The following ZNF892 variants were observed in gnomAD, a reference collection of about 807,000 sequenced individuals.
The protein encoded by ZNF892 is zinc finger protein 570-like.
the ZNF892 span, among the ~76,000 whole-genome samples, chr2:95,209,670 C>T: frequency 1.3e-5 from 2 of 152,110 alleles, no homozygotes; most frequent in Non-Finnish European, 2.9e-5. Flanking sequence ...ATTGGTAGAT[C>T]GCTTTCAGAA....
chr2:95,256,955 A>G, the ZNF892 span, among the ~76,000 whole-genome samples: 1 of 152,040 alleles, frequency 6.6e-6, no homozygotes, highest in Admixed American at 6.5e-5. Context: ...TGCATTGGTT[A>G]TTCTAGTTAG....
chr2:95,230,588 C>T, the ZNF892 span, among the ~76,000 whole-genome samples: 1 of 152,180 alleles, frequency 6.6e-6, no homozygotes, highest in African/African-American at 2.4e-5. Context: ...CATTGTCTCC[C>T]AGCACTCAGC....
the ZNF892 span, among the ~76,000 whole-genome samples, chr2:95,234,440 G>T: frequency 5.3e-5 from 8 of 152,234 alleles, no homozygotes; most frequent in Non-Finnish European, 8.8e-5. Context: ...CACCCTGGAA[G>T]AAGGAGTGCC....
At chr2:95,255,290 G>A in the ZNF892 span, among the ~76,000 whole-genome samples, 10 of 152,096 alleles carry the variant, frequency 6.6e-5, no homozygotes, top group African/African-American at 4.8e-5. Context: ...CTTTGTTCTC[G>A]TTGGTTTCAA....
chr2:95,207,331 C>G, the ZNF892 span, among the ~76,000 whole-genome samples: 185 of 152,340 alleles, frequency 1.2e-3, no homozygotes, highest in Non-Finnish European at 2.2e-3. Context: ...GAGTCGGCAC[C>G]GAGGGAGGAG....
the ZNF892 span, among the ~76,000 whole-genome samples, chr2:95,247,876 T>C: frequency 1.3e-5 from 2 of 152,212 alleles, no homozygotes; most frequent in African/African-American, 2.4e-5. Flanking sequence ...GGAATGCTTA[T>C]ACACTGCTGG....
chr2:95,256,972 G>A, the ZNF892 span, among the ~76,000 whole-genome samples: 7 of 152,202 alleles, frequency 4.6e-5, no homozygotes, highest in African/African-American at 1.2e-4. Context: ...TTAGCCATTC[G>A]TCTAATCTTT....
chr2:95,231,068 C>A, the ZNF892 span, among the ~76,000 whole-genome samples: 1 of 152,210 alleles, frequency 6.6e-6, no homozygotes, highest in African/African-American at 2.4e-5. Flanking sequence ...ATTGACCCAG[C>A]AATCTGACTC....
At chr2:95,243,174 T>C in the ZNF892 span, among the ~76,000 whole-genome samples, 1 of 152,074 alleles carries the variant, frequency 6.6e-6, no homozygotes, top group African/African-American at 2.4e-5. Flanking sequence ...CAGGCTGGAG[T>C]GCAGTGGCGT....
chr2:95,249,662 A>G, the ZNF892 span, among the ~76,000 whole-genome samples: 3 of 152,084 alleles, frequency 2.0e-5, no homozygotes, highest in Admixed American at 2.0e-4. Flanking sequence ...CATTTTACCA[A>G]TATACCATCT....
At chr2:95,229,241 C>T in the ZNF892 span, among the ~76,000 whole-genome samples, 1 of 152,180 alleles carries the variant, frequency 6.6e-6, no homozygotes, top group Non-Finnish European at 1.5e-5. Context: ...TTTCCAGGTT[C>T]ACGGTATCAC....
the ZNF892 span, among the ~76,000 whole-genome samples, chr2:95,239,473 G>T: frequency 6.6e-6 from 1 of 152,314 alleles, no homozygotes; most frequent in East Asian, 1.9e-4. Flanking sequence ...GCCAATTGAT[G>T]TGGCAAACTT....
the ZNF892 span, among the ~76,000 whole-genome samples, chr2:95,227,151 T>C: frequency 9.2e-6 from 1 of 108,322 alleles, no homozygotes; most frequent in African/African-American, 3.6e-5. Context: ...CCTCCCTCCC[T>C]TCCTTCCTTC....
the ZNF892 span, among the ~76,000 whole-genome samples, chr2:95,256,206 G>C: frequency 1.3e-5 from 2 of 152,168 alleles, no homozygotes; most frequent in Non-Finnish European, 2.9e-5. Context: ...GCAGTGGCTG[G>C]TACTGGTTGT....
the ZNF892 span, among the ~76,000 whole-genome samples, chr2:95,255,074 A>G: frequency 6.6e-6 from 1 of 151,800 alleles, no homozygotes; most frequent in African/African-American, 2.4e-5. Flanking sequence ...GTGTCTCTAT[A>G]TCCTTCAGTT....
chr2:95,240,334 C>T, the ZNF892 span, among the ~76,000 whole-genome samples: 1 of 152,182 alleles, frequency 6.6e-6, no homozygotes, highest in Non-Finnish European at 1.5e-5. Context: ...GGCAATGGCC[C>T]ACACAGGAGC....
chr2:95,221,100 A>G, the ZNF892 span, among the ~76,000 whole-genome samples: 797 of 152,312 alleles, frequency 5.2e-3, 6 homozygotes, highest in South Asian at 0.031. Context: ...TCATAGATAT[A>G]TGTTTTAAAA....
chr2:95,261,460 A>G, the ZNF892 span, among the ~76,000 whole-genome samples: 4 of 151,954 alleles, frequency 2.6e-5, no homozygotes, highest in Non-Finnish European at 4.4e-5. Context: ...ATGCCCAACT[A>G]ATTTTTATAG....
At chr2:95,249,399 C>T in the ZNF892 span, among the ~76,000 whole-genome samples, 1 of 148,712 alleles carries the variant, frequency 6.7e-6, no homozygotes, top group African/African-American at 2.4e-5. Flanking sequence ...CGCCACCACT[C>T]CTGGCTATTT....
Sources: allele counts gnomAD v4.1 joint callset (sites outside exome capture counted in the v4.1 genomes callset), GRCh38; gene constraint gnomAD v4.1.1; transcripts MANE v1.5; gene names NCBI Gene and HGNC (gene_info 2026-07-23, HGNC 2026-07-21).